The following VPS35L variants were observed in gnomAD, a reference collection of about 807,000 sequenced individuals.
VPS35L encodes the protein VPS35 endosomal protein sorting factor like.
In VPS35L, 83 loss-of-function variants were observed where a neutral mutation model predicts 133.0. The ratio of observed to expected loss-of-function variants is 0.62; its 90% CI spans 0.52 to 0.75. The LOEUF (loss-of-function observed/expected upper bound fraction) is 0.75, where lower values mean the gene tolerates loss of function less well. Ranked by LOEUF, VPS35L falls within the 30% of genes least tolerant of loss-of-function variation. The probability of loss-of-function intolerance (pLI) is 0.00; values close to 1 mark genes in which losing one functional copy is unlikely to be tolerated. For synonymous variants in VPS35L, 423 were observed against 449.9 expected, an observed-to-expected ratio of 0.94 and a Z score of 0.76; for missense variants, 1,083 against 1,206.8, an observed-to-expected ratio of 0.90 and a Z score of 1.52.
In VPS35L at chr16:19,692,823, A is replaced by G. The variant is rs545007402; in HGVS notation, c.2646+1352A>G. Among the ~76,000 whole-genome samples, 22 of 152,304 alleles carry G rather than the reference A, an allele frequency of 1.4e-4. No homozygotes were observed. In the South Asian group the frequency reaches 4.6e-3, roughly 32 times the overall value. On this transcript the variant is annotated intron_variant, in intron 29 of 30. Transcript: ENST00000417362. ...AGTGATCCTCTTGCCTCAGCCTCCC[A>G]AAGTGCTGGGATTACAGGCATGAGC...
chr16:19,564,361 A>G (rs1052905349), intron 1 of VPS35L, among the ~76,000 whole-genome samples: 1 of 151,986 alleles, frequency 6.6e-6, no homozygotes. Context: ...TATAGGCATG[A>G]GCCACTGCAT....
rs771272669 is a variant in VPS35L, at chr16:19,669,314, C to T, written c.2361+15C>T. 1.3e-6 allele frequency: 2 copies of T among 1,598,064 alleles called. No individual in the cohort carries two copies. The highest frequency in any genetic ancestry group is 2.2e-5 in the South Asian group (2 of 89,642). On this transcript the variant is annotated intron_variant, in intron 27 of 30. Transcript: ENST00000417362. The stretch of plus-strand genomic sequence containing the variant: ...TAATAGTTCCGGTACGTTTCCTCAG[C>T]AGAACCGCAGGACATGTCTTCCTTT...
chr16:19,677,710 T>C (rs72769515), intron 27 of VPS35L, among the ~76,000 whole-genome samples: 40,820 of 152,048 alleles, frequency 0.27, 5,695 homozygotes, highest in Non-Finnish European at 0.29. Context: ...CAAGCTGGTC[T>C]CTGACAGCTT....
intron 8 of VPS35L, among the ~76,000 whole-genome samples, chr16:19,594,271 T>C (rs1034167057): frequency 6.6e-6 from 1 of 152,098 alleles, no homozygotes; most frequent in South Asian, 2.1e-4. Flanking sequence ...TGAGCCCTGA[T>C]GGGTTCAGAT....
intron 9 of VPS35L, 118 bp from the exon 10 acceptor site, chr16:19,608,060 G>GGAAA (rs1490068732): frequency 1.4e-6 from 1 of 711,482 alleles, no homozygotes; most frequent in Non-Finnish European, 2.5e-6. Context: ...ATATTTGGAA[G>GGAAA]GAAAGAAACA....
At chr16:19,685,064 AAAG>A (rs1362963559) in intron 28 of VPS35L, among the ~76,000 whole-genome samples, 1 of 152,126 alleles carries the variant, frequency 6.6e-6, no homozygotes, top group African/African-American at 2.4e-5. Flanking sequence ...AAAAAAAAAA[AAAG>A]CAATGTTTTA....
intron 15 of VPS35L, among the ~76,000 whole-genome samples, chr16:19,626,687 G>T (rs1452859120): frequency 6.6e-6 from 1 of 152,010 alleles, no homozygotes; most frequent in Non-Finnish European, 1.5e-5. Flanking sequence ...GCTTGAACCC[G>T]GGAGGCAGAG....
At chr16:19,589,460 G>A (rs1971972546) in intron 7 of VPS35L, among the ~76,000 whole-genome samples, 1 of 151,982 alleles carries the variant, frequency 6.6e-6, no homozygotes, top group African/African-American at 2.4e-5. Flanking sequence ...GCCCAAGCTG[G>A]TCTTAAACTC....
intron 21 of VPS35L, among the ~76,000 whole-genome samples, chr16:19,640,347 A>G (rs911529227): frequency 2.0e-5 from 3 of 152,210 alleles, no homozygotes; most frequent in African/African-American, 7.2e-5. Flanking sequence ...GGAAAGCCAC[A>G]TTAAAAGCAG....
At chr16:19,655,971 G>A (rs369466501) in intron 26 of VPS35L, among the ~76,000 whole-genome samples, 60 of 151,998 alleles carry the variant, frequency 3.9e-4, no homozygotes, top group African/African-American at 1.4e-3. Flanking sequence ...GAAAAGGTAC[G>A]TGTTTTACGG....
chr16:19,571,062 G>A (rs1170189164), intron 3 of VPS35L, among the ~76,000 whole-genome samples: 2 of 150,744 alleles, frequency 1.3e-5, no homozygotes, highest in East Asian at 2.0e-4. Context: ...TAGTAGAGAC[G>A]GGGTTTCACT....
Position 19,616,730 on chromosome 16 carries a change from G to A in VPS35L, c.1146G>A (p.Val382=), listed in dbSNP as rs957093344. The part of the protein sequence containing the change: ...TVQNQLVVQG[V]ELPSYLPLYP... The stretch of plus-strand genomic sequence containing the variant: ...AGAACCAGCTGGTGGTCCAAGGAGT[G>A]GAGCTCCCATCTTACCTCCCCTTGT... The change falls in exon 14 of 31, where the codon GTG becomes GTA. Residue 382 remains valine, a synonymous_variant. Transcript: ENST00000417362. 4 of 1,613,982 alleles carry A rather than the reference G, an allele frequency of 2.5e-6. No individual in the cohort carries two copies. Among genetic ancestry groups the A allele is most frequent in the East Asian group, 4.5e-5 (2 of 44,888 alleles).
intron 18 of VPS35L, among the ~76,000 whole-genome samples, chr16:19,630,080 A>G (rs1185174462): frequency 6.6e-6 from 1 of 152,150 alleles, no homozygotes; most frequent in Non-Finnish European, 1.5e-5. Context: ...ACCATAGGAT[A>G]CCTTAGATGC....
intron 3 of VPS35L, among the ~76,000 whole-genome samples, chr16:19,570,834 CATATA>C (rs1380684238): frequency 8.9e-5 from 7 of 78,806 alleles, no homozygotes; most frequent in African/African-American, 2.3e-4. Context: ...TGCTGTGTTT[CATATA>C]TATATATATA....
At chr16:19,642,318 A>G in intron 21 of VPS35L, 78 bp from the exon 22 acceptor site, 1 of 1,254,324 alleles carries the variant, frequency 8.0e-7, no homozygotes, top group Non-Finnish European at 1.2e-6. Context: ...AAGTGTGTAC[A>G]GTGGATGAAA....
Position 19,699,347 on chromosome 16 carries a change from G to C in VPS35L, c.2647-155G>C, listed in dbSNP as rs553751254. The C allele has an allele frequency of 4.6e-6, 4 of 863,060 alleles. No homozygotes were observed. Among genetic ancestry groups the C allele is most frequent in the Admixed American group, 2.6e-5 (1 of 37,918 alleles). The allele number at this position is 863,060 out of a possible 1,614,324, so 53.5% of individuals were successfully genotyped here. A position where few individuals can be genotyped will look rare whatever the true frequency, so the allele number is the denominator to read the frequency against. Reference sequence around the variant, plus strand: ...TTACAGATGAAGCAGCTGGGACTTTGGGAGGTTCAGCAGCTTGCCCTACAG... The same window carrying C: ...TTACAGATGAAGCAGCTGGGACTTTCGGAGGTTCAGCAGCTTGCCCTACAG... On this transcript the variant is annotated intron_variant, in intron 29 of 30. Transcript: ENST00000417362. The surrounding 1 kb of genome is among the most constrained non-coding windows in gnomAD (Gnocchi z 4.2).
intron 26 of VPS35L, among the ~76,000 whole-genome samples, chr16:19,665,550 T>C (rs998209778): frequency 2.6e-5 from 4 of 152,250 alleles, no homozygotes; most frequent in Admixed American, 2.0e-4. Flanking sequence ...ATTGTGTATA[T>C]GTACCACATT....
At chr16:19,677,148 C>T (rs779535983) in intron 27 of VPS35L, among the ~76,000 whole-genome samples, 5 of 151,004 alleles carry the variant, frequency 3.3e-5, no homozygotes, top group Non-Finnish European at 5.9e-5. Context: ...TCACTGTAAC[C>T]TCCGCCTGCT....
chr16:19,687,115 C>T (rs980479167), intron 28 of VPS35L, among the ~76,000 whole-genome samples: 5 of 152,170 alleles, frequency 3.3e-5, no homozygotes, highest in African/African-American at 1.2e-4. Flanking sequence ...CCACTAGGTT[C>T]CCGCTCCTAG....
Sources: allele counts gnomAD v4.1 joint callset (sites outside exome capture counted in the v4.1 genomes callset), GRCh38; gene constraint gnomAD v4.1.1; non-coding constraint Gnocchi (gnomAD v3.1); transcripts MANE v1.5; gene names NCBI Gene and HGNC (gene_info 2026-07-23, HGNC 2026-07-21).